The following STIM2 variants were observed in gnomAD, a reference collection of about 807,000 sequenced individuals.
The protein encoded by STIM2 is stromal interaction molecule 2.
A neutral mutation model predicts 85.8 loss-of-function variants in STIM2; 31 were observed. The ratio of observed to expected loss-of-function variants is 0.36; its 90% CI spans 0.27 to 0.49. STIM2 has a LOEUF of 0.49. Ranked by LOEUF, STIM2 falls within the 20% of genes least tolerant of loss-of-function variation. The pLI, the probability that STIM2 is intolerant of heterozygous loss-of-function variation, is 0.98. For synonymous variants in STIM2, 356 were observed against 331.1 expected, an observed-to-expected ratio of 1.08 and a Z score of -0.82; for missense variants, 841 against 927.6, an observed-to-expected ratio of 0.91 and a Z score of 1.21.
At chr4:26,972,006 T>G (rs1726973492) in intron 3 of STIM2, among the ~76,000 whole-genome samples, 1 of 152,216 alleles carries the variant, frequency 6.6e-6, no homozygotes, top group Non-Finnish European at 1.5e-5. Flanking sequence ...GAAGCAGTTG[T>G]GAATGGGAGT....
At chr4:26,906,627 A>G (rs1038727090) in intron 1 of STIM2, among the ~76,000 whole-genome samples, 6 of 152,118 alleles carry the variant, frequency 3.9e-5, no homozygotes, top group African/African-American at 1.4e-4. Flanking sequence ...TTTATTTTAC[A>G]GTTTGTGGAC....
intron 7 of STIM2, among the ~76,000 whole-genome samples, chr4:27,006,209 G>A (rs1728326692): frequency 6.6e-6 from 1 of 152,136 alleles, no homozygotes; most frequent in African/African-American, 2.4e-5. Context: ...GTCACCTAGT[G>A]TTGCATTGTG....
intron 3 of STIM2, among the ~76,000 whole-genome samples, chr4:26,981,216 G>C (rs531143114): frequency 6.6e-6 from 1 of 152,028 alleles, no homozygotes; most frequent in Non-Finnish European, 1.5e-5. Flanking sequence ...GTGAAATCTC[G>C]CTAATAAGTA....
chr4:27,002,967 G>A lies in STIM2; in HGVS notation c.844G>A (p.Glu282Lys). The A allele has an allele frequency of 6.3e-7, 1 of 1,598,006 alleles. No homozygotes were observed. Among genetic ancestry groups the A allele is most frequent in the Non-Finnish European group, 8.5e-7 (1 of 1,174,430 alleles). Residue 282 changes from glutamate to lysine, a missense_variant, in exon 7 of 12, where the codon GAA becomes AAA. Transcript: ENST00000467087. ...GGAAGAAAACAGAAATGTTGCTGTA[G>A]AAAAGCAAAATTTAGAGCGCAAAAT... is the stretch of plus-strand genomic sequence containing the variant.
At chr4:26,997,264 C>G (rs1727991284) in intron 4 of STIM2, among the ~76,000 whole-genome samples, 1 of 152,154 alleles carries the variant, frequency 6.6e-6, no homozygotes, top group Admixed American at 6.5e-5. Flanking sequence ...ATTACATATT[C>G]TATAGATAGT....
chr4:27,022,454 T>A lies in STIM2; in HGVS notation c.1764-65T>A, dbSNP rs2109149714. ...GCAATGAAAGTTGTTTTAGTTAGAA[T>A]GTCTGCTAGTACTCTTAAGAACATA... is the stretch of plus-strand genomic sequence containing the variant. On this transcript the variant is annotated intron_variant, in intron 11 of 11. Coordinates refer to ENST00000467087, the MANE Select transcript of STIM2 (RefSeq NM_020860.4). 3 of 1,281,988 alleles carry A rather than the reference T, an allele frequency of 2.3e-6. No individual in the cohort carries two copies. In the East Asian group the frequency reaches 7.0e-5, roughly 30 times the overall value. The allele number at this position is 1,281,988 out of a possible 1,614,324, so 79.4% of individuals were successfully genotyped here.
intron 3 of STIM2, among the ~76,000 whole-genome samples, chr4:26,958,411 T>C (rs1407286676): frequency 6.6e-6 from 1 of 152,194 alleles, no homozygotes; most frequent in Non-Finnish European, 1.5e-5. Context: ...TCAGCAATTA[T>C]ATTGTAAGCA....
Position 27,009,610 on chromosome 4 carries a change from C to T in STIM2, c.1489+608C>T, listed in dbSNP as rs550105574. 5.3e-5 allele frequency among the ~76,000 whole-genome samples: 8 copies of T among 152,228 alleles called. No individual in the cohort carries two copies. The East Asian group carries it at 1.5e-3, about 29-fold the overall frequency. On this transcript the variant is annotated intron_variant, in intron 10 of 11. Coordinates refer to ENST00000467087, the MANE Select transcript of STIM2 (RefSeq NM_020860.4). ...CTGGTTTGACAGCAGACAGTTAATGCAAGGAGAGTGAGGCGGCACTCAACT... is the reference window on the plus strand; with the variant it reads ...CTGGTTTGACAGCAGACAGTTAATGTAAGGAGAGTGAGGCGGCACTCAACT...
At chr4:26,919,293 G>A (rs1015410848) in intron 1 of STIM2, among the ~76,000 whole-genome samples, 4 of 152,072 alleles carry the variant, frequency 2.6e-5, no homozygotes, top group Non-Finnish European at 5.9e-5. Flanking sequence ...GTAGTTGCCT[G>A]ATGTTAATTA....
chr4:26,973,213 T>G (rs1460700852), intron 3 of STIM2, among the ~76,000 whole-genome samples: 1 of 152,232 alleles, frequency 6.6e-6, no homozygotes, highest in South Asian at 2.1e-4. Flanking sequence ...ATTGATTTTT[T>G]GAAGGGTTTT....
chr4:27,000,263 T>C (rs1342916615), intron 5 of STIM2, among the ~76,000 whole-genome samples: 2 of 152,196 alleles, frequency 1.3e-5, no homozygotes, highest in Non-Finnish European at 2.9e-5. Context: ...TGGTGGTTCT[T>C]TTTTGGCTTG....
chr4:26,964,082 C>T (rs1726614606), intron 3 of STIM2, among the ~76,000 whole-genome samples: 1 of 152,074 alleles, frequency 6.6e-6, no homozygotes. Context: ...ATTGCAAACT[C>T]ATATTGCTGG....
chr4:26,975,935 C>G (rs982237436), intron 3 of STIM2, among the ~76,000 whole-genome samples: 2 of 152,184 alleles, frequency 1.3e-5, no homozygotes, highest in African/African-American at 4.8e-5. Context: ...GCTTTGTTTA[C>G]CTATTCAAGC....
chr4:26,874,126 G>C (rs1722729392), intron 1 of STIM2: 1 of 541,264 alleles, frequency 1.8e-6, no homozygotes, highest in Non-Finnish European at 3.6e-6. Context: ...CCTGGCTCTG[G>C]GGTTTCCAAG....
chr4:26,888,514 T>C (rs1412705774), intron 1 of STIM2, among the ~76,000 whole-genome samples: 1 of 152,224 alleles, frequency 6.6e-6, no homozygotes, highest in Admixed American at 6.5e-5. Flanking sequence ...AAATAAGACA[T>C]AACAGTTACA....
At chr4:26,918,944 C>G (rs150361086) in intron 1 of STIM2, among the ~76,000 whole-genome samples, 1 of 150,544 alleles carries the variant, frequency 6.6e-6, no homozygotes, top group Admixed American at 6.6e-5. Context: ...TAAGAACTTA[C>G]GTATTTTGAA....
intron 1 of STIM2, among the ~76,000 whole-genome samples, chr4:26,904,901 A>G (rs1357677293): frequency 6.6e-6 from 1 of 152,136 alleles, no homozygotes; most frequent in African/African-American, 2.4e-5. Context: ...TTTAGTTTAC[A>G]AGTGTAGGGA....
rs1388555745 is a variant in STIM2, at chr4:27,023,982, TTTTG to T, written c.*989_*992del. 1 of 152,658 alleles carries T rather than the reference TTTTG, an allele frequency of 6.6e-6. No homozygotes were observed. Among genetic ancestry groups the T allele is most frequent in the Non-Finnish European group, 1.5e-5 (1 of 68,046 alleles). The allele number at this position is 152,658 out of a possible 1,614,324, so 9.5% of individuals were successfully genotyped here. A position where few individuals can be genotyped will look rare whatever the true frequency, so the allele number is the denominator to read the frequency against. ...CATTATTGTGTGGGATTGTGCTGAT[TTTTG>T]TTGATAACACAAAAAACACTATGTT... On this transcript the variant is annotated 3_prime_UTR_variant, in exon 12 of 12. Coordinates refer to ENST00000467087, the MANE Select transcript of STIM2 (RefSeq NM_020860.4).
At chr4:26,892,287 G>A (rs1177471015) in intron 1 of STIM2, among the ~76,000 whole-genome samples, 1 of 152,194 alleles carries the variant, frequency 6.6e-6, no homozygotes, top group Non-Finnish European at 1.5e-5. Context: ...CAGCTCTGGA[G>A]GCTGAGAAAT....
Sources: gnomAD v4.1 joint callset for allele counts (sites outside exome capture counted in the v4.1 genomes callset) on GRCh38, gnomAD v4.1.1 for gene constraint, MANE v1.5 for transcripts, NCBI Gene and HGNC (gene_info 2026-07-23, HGNC 2026-07-21) for gene names.